Variants in BCAS3 observed in about 807,000 individuals in gnomAD.
BCAS3 encodes BCAS3 microtubule associated cell migration factor.
A neutral mutation model predicts 116.1 loss-of-function variants in BCAS3; 53 were observed. The observed-to-expected ratio is 0.46, with a 90% confidence interval of 0.37 to 0.57. BCAS3 has a LOEUF of 0.57. BCAS3 is among the 20% of genes least tolerant of loss of function. The probability of loss-of-function intolerance (pLI) is 0.00; values close to 1 mark genes in which losing one functional copy is unlikely to be tolerated. For missense variants in BCAS3, 917 were observed against 1,165.4 expected, an observed-to-expected ratio of 0.79 and a Z score of 3.10; for synonymous variants, 391 against 408.2, an observed-to-expected ratio of 0.96 and a Z score of 0.51.
chr17:61,125,435 C>T (rs2076000929), intron 22 of BCAS3, among the ~76,000 whole-genome samples: 1 of 152,064 alleles, frequency 6.6e-6, no homozygotes, highest in South Asian at 2.1e-4. Context: ...ATCTAGGCAT[C>T]AGAAAATTAT....
chr17:61,172,240 T>C (rs2078878774), intron 22 of BCAS3, among the ~76,000 whole-genome samples: 1 of 152,202 alleles, frequency 6.6e-6, no homozygotes, highest in South Asian at 2.1e-4. Flanking sequence ...AGAATAACAC[T>C]AATCACCAAC....
chr17:60,721,910 A>G (rs1180645214), intron 5 of BCAS3, among the ~76,000 whole-genome samples: 3 of 152,124 alleles, frequency 2.0e-5, no homozygotes, highest in Non-Finnish European at 4.4e-5. Flanking sequence ...TTCTATCACC[A>G]TAGATTCTTT....
At chr17:60,892,284 T>G (rs2057207112) in intron 10 of BCAS3, among the ~76,000 whole-genome samples, 1 of 151,950 alleles carries the variant, frequency 6.6e-6, no homozygotes, top group African/African-American at 2.4e-5. Flanking sequence ...TTCTCCATAT[T>G]CCTGTCAACA....
At chr17:61,247,592 C>T (rs1168736223) in intron 22 of BCAS3, among the ~76,000 whole-genome samples, 1 of 152,116 alleles carries the variant, frequency 6.6e-6, no homozygotes, top group African/African-American at 2.4e-5. Context: ...ACCACAATAC[C>T]ACCTACCAGC....
intron 2 of BCAS3, among the ~76,000 whole-genome samples, chr17:60,683,733 G>A (rs2033596516): frequency 6.6e-6 from 1 of 151,590 alleles, no homozygotes; most frequent in African/African-American, 2.4e-5. Context: ...TTGGGAGCCT[G>A]AGGTGGGAGG....
At chr17:61,350,050 C>T (rs968542806) in intron 22 of BCAS3, among the ~76,000 whole-genome samples, 1 of 152,112 alleles carries the variant, frequency 6.6e-6, no homozygotes, top group African/African-American at 2.4e-5. Flanking sequence ...AGAGAAGGGA[C>T]CTACTGAGTA....
Position 61,217,895 on chromosome 17 carries a change from G to C in BCAS3, c.2425+133331G>C, listed in dbSNP as rs565457499. Among the ~76,000 whole-genome samples, 2 of 152,140 alleles carry C rather than the reference G, an allele frequency of 1.3e-5. No homozygotes were observed. The highest frequency in any genetic ancestry group is 1.9e-4 in the East Asian group (1 of 5,196). On this transcript the variant is annotated intron_variant, in intron 22 of 23. Coordinates refer to ENST00000407086, the MANE Select transcript of BCAS3 (RefSeq NM_017679.5). The surrounding 1 kb of genome is among the most constrained non-coding windows in gnomAD (Gnocchi z 5.2). ...AACAACAGTCTTGGTGGCTGACTTTGTTGCTCCTGTGAGAGGCCTTCATGC... is the reference window on the plus strand; with the variant it reads ...AACAACAGTCTTGGTGGCTGACTTTCTTGCTCCTGTGAGAGGCCTTCATGC...
intron 16 of BCAS3, chr17:61,027,041 A>G: frequency 2.7e-6 from 2 of 740,644 alleles, no homozygotes; most frequent in Non-Finnish European, 2.2e-6. Context: ...AATAATTTGT[A>G]GATGGAACAT....
chr17:60,709,446 G>A lies in BCAS3; in HGVS notation c.321+121G>A, dbSNP rs943660283. The A allele has an allele frequency of 2.4e-5, 15 of 615,770 alleles. No individual in the cohort carries two copies. In the African/African-American group the frequency reaches 2.4e-4, roughly 10 times the overall value. 38.1% of individuals were successfully genotyped at this position (615,770 alleles called of 1,614,324 possible). A position where few individuals can be genotyped will look rare whatever the true frequency, so the allele number is the denominator to read the frequency against. On this transcript the variant is annotated intron_variant, in intron 5 of 23. Coordinates refer to ENST00000407086, the MANE Select transcript of BCAS3 (RefSeq NM_017679.5). ...CACTCTTCGCCCAGGCTGGAATGCAGTGGTGCGATCTCGGCTCACTGCAAC... is the reference window on the plus strand; with the variant it reads ...CACTCTTCGCCCAGGCTGGAATGCAATGGTGCGATCTCGGCTCACTGCAAC...
chr17:61,133,610 C>T (rs1041954276), intron 22 of BCAS3, among the ~76,000 whole-genome samples: 2 of 152,100 alleles, frequency 1.3e-5, no homozygotes, highest in South Asian at 4.1e-4. Context: ...CAAATTCCCC[C>T]TCAAGTATTG....
intron 17 of BCAS3, among the ~76,000 whole-genome samples, chr17:61,036,000 A>C (rs766265627): frequency 3.9e-5 from 6 of 152,114 alleles, no homozygotes; most frequent in Non-Finnish European, 7.4e-5. Context: ...ACTCGCACCT[A>C]AGGAGGGACT....
At position 61,355,998 on chromosome 17, in the gene BCAS3, T is replaced by C. The variant is rs1048095996; in HGVS notation, c.2426-12329T>C. ...CAGCCTACAGGAAACATTTTCTTTT[T>C]CTTTTCTCTTTTTTGAGACTGAGTC... On this transcript the variant is annotated intron_variant, in intron 22 of 23. Transcript: ENST00000407086. The surrounding 1 kb of genome is among the most constrained non-coding windows in gnomAD (Gnocchi z 4.2). Among the ~76,000 whole-genome samples the C allele has an allele frequency of 6.6e-6, 1 of 152,182 alleles. No individual in the cohort carries two copies. Among genetic ancestry groups the C allele is most frequent in the African/African-American group, 2.4e-5 (1 of 41,436 alleles).
intron 19 of BCAS3, among the ~76,000 whole-genome samples, chr17:61,064,448 CTA>C (rs1448752013): frequency 6.6e-6 from 1 of 152,130 alleles, no homozygotes; most frequent in African/African-American, 2.4e-5. Flanking sequence ...AGAAGTAAAA[CTA>C]AATTGTGAGC....
chr17:61,374,955 T>G (rs1024921571), intron 23 of BCAS3, among the ~76,000 whole-genome samples: 2 of 152,250 alleles, frequency 1.3e-5, no homozygotes, highest in East Asian at 3.8e-4. Context: ...TTCACCTAAA[T>G]CCTCTGAGTT....
At chr17:60,842,840 G>A (rs1382958944) in intron 7 of BCAS3, among the ~76,000 whole-genome samples, 1 of 149,526 alleles carries the variant, frequency 6.7e-6, no homozygotes, top group Non-Finnish European at 1.5e-5. Flanking sequence ...TACTGACTTT[G>A]TTGGGTTTTG....
intron 7 of BCAS3, among the ~76,000 whole-genome samples, chr17:60,850,357 T>G (rs1319206447): frequency 2.9e-5 from 4 of 139,198 alleles, no homozygotes; most frequent in Non-Finnish European, 4.6e-5. Flanking sequence ...TTTTTTTTTT[T>G]TTTTTTTTTT....
intron 22 of BCAS3, among the ~76,000 whole-genome samples, chr17:61,304,307 A>G (rs1373970510): frequency 1.3e-5 from 2 of 152,218 alleles, no homozygotes; most frequent in African/African-American, 2.4e-5. Context: ...ATTTGCCCAC[A>G]GTAAGAAACT....
rs180739443 is a variant in BCAS3 at position 61,211,014 on chromosome 17, C to G, written c.2425+126450C>G. Among the ~76,000 whole-genome samples, 1,667 of 152,182 alleles carry G rather than the reference C, an allele frequency of 0.011. 21 individuals carry two copies. The highest frequency in any genetic ancestry group is 0.016 in the Non-Finnish European group (1,112 of 68,002). On this transcript the variant is annotated intron_variant, in intron 22 of 23. Coordinates refer to ENST00000407086, the MANE Select transcript of BCAS3 (RefSeq NM_017679.5). This position sits in a 1 kb window ranked among gnomAD's most constrained non-coding sequence, Gnocchi z 4.4. ...CAGAGATGATGAGCCAAAGGCTTCC[C>G]TAAGCTAGGGTCCCATAGTCTTCCC...
chr17:60,931,315 G>A (rs1213217705), intron 13 of BCAS3, among the ~76,000 whole-genome samples: 2 of 152,004 alleles, frequency 1.3e-5, no homozygotes, highest in Non-Finnish European at 2.9e-5. Context: ...TCGCTCTGTT[G>A]CCTAGGCTGG....
Sources: allele counts gnomAD v4.1 joint callset (sites outside exome capture counted in the v4.1 genomes callset), GRCh38; gene constraint gnomAD v4.1.1; non-coding constraint Gnocchi (gnomAD v3.1); transcripts MANE v1.5; gene names NCBI Gene and HGNC (gene_info 2026-07-23, HGNC 2026-07-21).